The following MORC1 variants were observed in gnomAD, a reference collection of about 807,000 sequenced individuals.
MORC1 encodes the protein MORC family CW-type zinc finger 1.
MORC1 carries 59 observed loss-of-function variants against 134.9 expected under a neutral mutation model. The ratio of observed to expected loss-of-function variants is 0.44; its 90% CI spans 0.35 to 0.54. The LOEUF is 0.54. Ranked by LOEUF, MORC1 falls within the 20% of genes least tolerant of loss-of-function variation. MORC1 has a pLI of 0.00. For missense variants in MORC1, 947 were observed against 1,134.5 expected, an observed-to-expected ratio of 0.83 and a Z score of 2.37; for synonymous variants, 395 against 391.7, an observed-to-expected ratio of 1.01 and a Z score of -0.10.
Position 109,005,302 on chromosome 3 carries a change from G to T in MORC1, c.1781C>A (p.Thr594Asn). Residue 594 changes from threonine (T) to asparagine (N), a missense_variant, in exon 19 of 28, where the codon ACC becomes AAC. Transcript: ENST00000232603. Reference sequence around the variant, plus strand: ...ATCGCCCAAAAGCCTGATTTTCTGGGTTTTGGTATTTTCCTTAAATAACAA... The same window carrying T: ...ATCGCCCAAAAGCCTGATTTTCTGGTTTTTGGTATTTTCCTTAAATAACAA... Reference protein sequence around the residue: ...LTSAHKENTKTQKIRLLGDDL... With the variant: ...LTSAHKENTKNQKIRLLGDDL... 1.3e-6 allele frequency: 2 copies of T among 1,585,074 alleles called. No homozygotes were observed. Among genetic ancestry groups the T allele is most frequent in the Non-Finnish European group, 1.7e-6 (2 of 1,171,934 alleles).
intron 23 of MORC1, among the ~76,000 whole-genome samples, chr3:108,981,886 A>G (rs1947734829): frequency 6.6e-6 from 1 of 152,224 alleles, no homozygotes; most frequent in South Asian, 2.1e-4. Flanking sequence ...CAATGGCAAC[A>G]AAATCCAAAA....
At chr3:109,017,425 G>A (rs536439939) in intron 17 of MORC1, among the ~76,000 whole-genome samples, 33 of 152,218 alleles carry the variant, frequency 2.2e-4, no homozygotes, top group Middle Eastern at 3.4e-3. Flanking sequence ...CACTAAATTT[G>A]CACATGTTAA....
chr3:108,995,030 T>C (rs1483854191), intron 21 of MORC1, among the ~76,000 whole-genome samples: 1 of 152,184 alleles, frequency 6.6e-6, no homozygotes, highest in Admixed American at 6.5e-5. Flanking sequence ...TGAAGCATTG[T>C]ATAGTAACAC....
intron 24 of MORC1, among the ~76,000 whole-genome samples, chr3:108,972,315 A>T (rs921107779): frequency 6.6e-6 from 1 of 152,208 alleles, no homozygotes; most frequent in Non-Finnish European, 1.5e-5. Flanking sequence ...GTATTCCAAG[A>T]GCCTCATGTA....
chr3:108,971,297 A>C (rs1576579888), intron 25 of MORC1, 33 bp downstream of exon 25: 1 of 1,580,302 alleles, frequency 6.3e-7, no homozygotes, highest in African/African-American at 1.3e-5. Context: ...CTATTCTATC[A>C]TTCCCTCACA....
At chr3:109,113,372 T>C (rs1168552375) in intron 2 of MORC1, among the ~76,000 whole-genome samples, 1 of 152,194 alleles carries the variant, frequency 6.6e-6, no homozygotes, top group Admixed American at 6.5e-5. Context: ...ATAACGACTT[T>C]CTACTTAGTG....
chr3:109,096,246 C>T (rs1950828992), intron 6 of MORC1, among the ~76,000 whole-genome samples: 1 of 152,110 alleles, frequency 6.6e-6, no homozygotes, highest in Non-Finnish European at 1.5e-5. Context: ...CAGAGTGACT[C>T]CATCTTGAAC....
At chr3:109,101,966 C>T (rs900616790) in intron 4 of MORC1, among the ~76,000 whole-genome samples, 7 of 152,196 alleles carry the variant, frequency 4.6e-5, no homozygotes, top group East Asian at 1.9e-4. Flanking sequence ...CATGGTTACC[C>T]GGTTCTGAGC....
intron 21 of MORC1, among the ~76,000 whole-genome samples, chr3:108,993,132 C>G (rs1019655956): frequency 2.0e-5 from 3 of 152,098 alleles, no homozygotes; most frequent in Non-Finnish European, 4.4e-5. Context: ...CAGCCTGTAT[C>G]CTTTCCATAA....
chr3:109,086,136 C>A (rs925937999), intron 8 of MORC1, among the ~76,000 whole-genome samples: 4 of 151,816 alleles, frequency 2.6e-5, no homozygotes, highest in Non-Finnish European at 5.9e-5. Flanking sequence ...ATGAAATATA[C>A]AGTTAAATAG....
At chr3:109,111,023 C>CA in intron 2 of MORC1, among the ~76,000 whole-genome samples, 1 of 71,270 alleles carries the variant, frequency 1.4e-5, no homozygotes, top group South Asian at 4.4e-4. Context: ...GGGAATTACA[C>CA]AAAAAACTAA....
chr3:109,037,743 T>G (rs1949411596), intron 14 of MORC1, among the ~76,000 whole-genome samples: 2 of 152,220 alleles, frequency 1.3e-5, no homozygotes, highest in South Asian at 4.1e-4. Context: ...GTTTCTGGCT[T>G]CATCCATGTC....
chr3:109,072,034 G>A (rs1950330416), intron 8 of MORC1, among the ~76,000 whole-genome samples: 1 of 152,012 alleles, frequency 6.6e-6, no homozygotes, highest in African/African-American at 2.4e-5. Flanking sequence ...GTTTATTTGT[G>A]ACAAAAAGAA....
intron 21 of MORC1, among the ~76,000 whole-genome samples, chr3:108,989,624 T>C (rs896244683): frequency 1.3e-5 from 2 of 152,206 alleles, no homozygotes; most frequent in Non-Finnish European, 2.9e-5. Context: ...CTTTATCTGA[T>C]TTCTTTACTT....
intron 23 of MORC1, among the ~76,000 whole-genome samples, chr3:108,980,509 TG>T (rs1394057464): frequency 6.6e-6 from 1 of 152,176 alleles, no homozygotes; most frequent in Admixed American, 6.5e-5. Context: ...CCTTTAAAAG[TG>T]TCCACTTTCT....
chr3:109,080,416 C>T (rs925033603), intron 8 of MORC1, among the ~76,000 whole-genome samples: 1 of 152,124 alleles, frequency 6.6e-6, no homozygotes, highest in Non-Finnish European at 1.5e-5. Flanking sequence ...AGGTTCCTCC[C>T]ACAACATATG....
intron 17 of MORC1, among the ~76,000 whole-genome samples, chr3:109,009,363 G>A (rs544222865): frequency 5.9e-5 from 9 of 151,900 alleles, no homozygotes; most frequent in East Asian, 1.9e-4. Flanking sequence ...ATGCCACCAC[G>A]CCCAGCTAAT....
chr3:109,007,941 ATG>A lies in MORC1; in HGVS notation c.1705-852_1705-851del, dbSNP rs113629397. Among the ~76,000 whole-genome samples the A allele has an allele frequency of 9.5e-4, 142 of 149,426 alleles. 1 individual carries two copies. The highest frequency in any genetic ancestry group is 7.2e-3 in the East Asian group (36 of 5,026). ...ATATAGCATATATAAGCACATATAT[ATG>A]TGTGTGTGTGTGTGTGTGTGTATAC... On this transcript the variant is annotated intron_variant, in intron 17 of 27. Transcript: ENST00000232603.
intron 21 of MORC1, 117 bp from the exon 22 acceptor site, chr3:108,987,066 A>G: frequency 1.5e-6 from 1 of 667,420 alleles, no homozygotes; most frequent in Non-Finnish European, 2.4e-6. Flanking sequence ...TGTTAGCAGC[A>G]GTAAAGCTAT....
Sources: allele counts gnomAD v4.1 joint callset (sites outside exome capture counted in the v4.1 genomes callset), GRCh38; gene constraint gnomAD v4.1.1; transcripts MANE v1.5; gene names NCBI Gene and HGNC (gene_info 2026-07-23, HGNC 2026-07-21).